The following UACA variants were observed in gnomAD, a reference collection of about 807,000 sequenced individuals.
UACA encodes uveal autoantigen with coiled-coil domains and ankyrin repeats.
A neutral mutation model predicts 160.5 loss-of-function variants in UACA; 112 were observed. The ratio of observed to expected loss-of-function variants is 0.70; its 90% CI spans 0.60 to 0.82. UACA has a LOEUF of 0.82. UACA is among the 40% of genes least tolerant of loss of function. The probability of loss-of-function intolerance (pLI) is 0.00; values close to 1 mark genes in which losing one functional copy is unlikely to be tolerated. For missense variants in UACA, 1,574 were observed against 1,614.6 expected, an observed-to-expected ratio of 0.97 and a Z score of 0.43; for synonymous variants, 557 against 568.4, an observed-to-expected ratio of 0.98 and a Z score of 0.29.
At chr15:70,698,016 C>T (rs1898193545) in intron 2 of UACA, among the ~76,000 whole-genome samples, 1 of 151,970 alleles carries the variant, frequency 6.6e-6, no homozygotes, top group Non-Finnish European at 1.5e-5. Context: ...TGCCATTGCA[C>T]AACCAGCCTG....
At chr15:70,776,001 A>C in the UACA span, among the ~76,000 whole-genome samples, 29 of 152,198 alleles carry the variant, frequency 1.9e-4, no homozygotes, top group African/African-American at 7.0e-4. Context: ...CCAAACAGGT[A>C]TGGTTTAGAC....
At chr15:70,729,700 C>T (rs1899258720) in intron 1 of UACA, among the ~76,000 whole-genome samples, 1 of 142,794 alleles carries the variant, frequency 7.0e-6, no homozygotes, top group South Asian at 2.2e-4. Context: ...CGGTCTACAG[C>T]TCCCAGCGTG....
At chr15:70,765,273 C>T (rs2030980678), upstream of UACA, among the ~76,000 whole-genome samples, 1 of 152,094 alleles carries the variant, frequency 6.6e-6, no homozygotes, top group South Asian at 2.1e-4. Context: ...ATGTCGGGGG[C>T]TTCTGGAATA....
chr15:70,688,881 A>G (rs1462245704), intron 5 of UACA, among the ~76,000 whole-genome samples: 1 of 152,126 alleles, frequency 6.6e-6, no homozygotes, highest in Non-Finnish European at 1.5e-5. Context: ...GGAAGGCCAG[A>G]GAGTTGAACT....
chr15:70,696,162 G>A (rs1898120742), intron 2 of UACA, among the ~76,000 whole-genome samples: 1 of 152,080 alleles, frequency 6.6e-6, no homozygotes, highest in Non-Finnish European at 1.5e-5. Context: ...GGTCTTCCCT[G>A]ACCACACCAT....
chr15:70,716,591 G>A (rs1041577033), intron 1 of UACA, among the ~76,000 whole-genome samples: 3 of 152,038 alleles, frequency 2.0e-5, no homozygotes, highest in African/African-American at 7.2e-5. Context: ...CAATTTTATA[G>A]ATATAAGAGC....
the UACA span, among the ~76,000 whole-genome samples, chr15:70,769,886 ACTCAGGTGG>A: frequency 6.6e-6 from 1 of 152,126 alleles, no homozygotes; most frequent in African/African-American, 2.4e-5. Context: ...AATCCCAGCC[ACTCAGGTGG>A]CTGAGGCAGG....
intron 1 of UACA, among the ~76,000 whole-genome samples, chr15:70,752,145 G>T (rs2030113029): frequency 6.6e-6 from 1 of 151,018 alleles, no homozygotes; most frequent in Non-Finnish European, 1.5e-5. Flanking sequence ...GGCTGAGGCA[G>T]GAGAATCGCT....
At chr15:70,686,039 T>C (rs1897703103) in intron 7 of UACA, among the ~76,000 whole-genome samples, 2 of 152,176 alleles carry the variant, frequency 1.3e-5, no homozygotes, top group African/African-American at 4.8e-5. Flanking sequence ...TAAAATTTAA[T>C]TTTAAAATCC....
intron 1 of UACA, among the ~76,000 whole-genome samples, chr15:70,738,775 G>T (rs1311547844): frequency 6.6e-6 from 1 of 152,168 alleles, no homozygotes; most frequent in Non-Finnish European, 1.5e-5. Context: ...CTGAAACAGT[G>T]ATTTAAAATA....
intron 1 of UACA, among the ~76,000 whole-genome samples, chr15:70,750,066 C>T (rs2029950541): frequency 6.6e-6 from 1 of 152,144 alleles, no homozygotes; most frequent in Non-Finnish European, 1.5e-5. Flanking sequence ...TTTGGTAAGT[C>T]ACAACTTCTT....
the UACA span, among the ~76,000 whole-genome samples, chr15:70,769,153 T>A: frequency 5.3e-5 from 8 of 151,778 alleles, no homozygotes; most frequent in South Asian, 1.0e-3. Flanking sequence ...AGTCAGGAGA[T>A]CAAGACCATC....
At chr15:70,718,030 C>T (rs1469855015) in intron 1 of UACA, among the ~76,000 whole-genome samples, 2 of 134,630 alleles carry the variant, frequency 1.5e-5, no homozygotes, top group Admixed American at 1.5e-4. Context: ...TTTCTTTATA[C>T]ACACACACAC....
At chr15:70,660,039 A>G (rs1566958718) in intron 18 of UACA, 112 bp downstream of exon 18, 1 of 797,950 alleles carries the variant, frequency 1.3e-6, no homozygotes, top group Non-Finnish European at 2.0e-6. Context: ...TTAAATAAGC[A>G]TAGGGGGTGC....
Position 70,655,222 on chromosome 15 carries a change from C to T in UACA, c.*1834G>A, listed in dbSNP as rs1013250202. ...TATGAATACTCAGTTTTAAACTTTG[C>T]TCTAAGTTTTATTTTATTTTATTTT... is the stretch of plus-strand genomic sequence containing the variant. On this transcript the variant is annotated 3_prime_UTR_variant, in exon 19 of 19. Coordinates refer to ENST00000322954, the MANE Select transcript of UACA (RefSeq NM_018003.4). 5 of 152,000 alleles carry T rather than the reference C, an allele frequency of 3.3e-5. No homozygotes were observed. The highest frequency in any genetic ancestry group is 4.8e-5 in the African/African-American group (2 of 41,378). 9.4% of individuals were successfully genotyped at this position (152,000 alleles called of 1,614,324 possible).
intron 16 of UACA, among the ~76,000 whole-genome samples, chr15:70,665,542 A>G (rs1340941520): frequency 6.6e-6 from 1 of 152,132 alleles, no homozygotes; most frequent in Non-Finnish European, 1.5e-5. Context: ...GGAATTCAAG[A>G]CCAGCCTGGG....
At chr15:70,659,178 A>G (rs1374576536) in intron 18 of UACA, among the ~76,000 whole-genome samples, 2 of 152,132 alleles carry the variant, frequency 1.3e-5, no homozygotes, top group African/African-American at 4.8e-5. Context: ...ATTTGCTCAA[A>G]AGAGAGTAGC....
chr15:70,718,797 A>G (rs1016218447), intron 1 of UACA, among the ~76,000 whole-genome samples: 1 of 152,206 alleles, frequency 6.6e-6, no homozygotes, highest in Non-Finnish European at 1.5e-5. Flanking sequence ...ATTTTAAAAT[A>G]TGTGATATAG....
At chr15:70,758,972 C>G (rs2141018278) in intron 1 of UACA, 1 of 152,274 alleles carries the variant, frequency 6.6e-6, no homozygotes, top group South Asian at 2.1e-4. Context: ...ACCTCCTGGG[C>G]CCAAGTGATC....
Sources: allele counts gnomAD v4.1 joint callset (sites outside exome capture counted in the v4.1 genomes callset), GRCh38; gene constraint gnomAD v4.1.1; transcripts MANE v1.5; gene names NCBI Gene and HGNC (gene_info 2026-07-23, HGNC 2026-07-21).